ZNF608: variants seen among roughly 807,000 people sequenced by gnomAD.
The protein encoded by ZNF608 is renal carcinoma antigen NY-REN-36.
ZNF608 carries 12 observed loss-of-function variants against 109.0 expected under a neutral mutation model. That is an observed-to-expected ratio of 0.11 (90% confidence interval 0.07 to 0.18). The LOEUF (loss-of-function observed/expected upper bound fraction) is 0.18, where lower values mean the gene tolerates loss of function less well. ZNF608 is among the 10% of genes least tolerant of loss of function. The probability of loss-of-function intolerance (pLI) is 1.00; values close to 1 mark genes in which losing one functional copy is unlikely to be tolerated. For synonymous variants in ZNF608, 732 were observed against 717.4 expected (o/e 1.02, Z -0.33); for missense variants, 1,707 against 1,879.3 (o/e 0.91, Z 1.70).
At chr5:124,663,200 T>A (rs1197139697) in intron 3 of ZNF608, among the ~76,000 whole-genome samples, 1 of 152,182 alleles carries the variant, frequency 6.6e-6, no homozygotes, top group Non-Finnish European at 1.5e-5. Context: ...AATTCAGCAC[T>A]CTAAAGGGGT....
In ZNF608 at chr5:124,729,344, G is replaced by A. The variant is rs148975946; in HGVS notation, c.906+14740C>T. On this transcript the variant is annotated intron_variant, in intron 2 of 9. Coordinates refer to ENST00000513986, the MANE Select transcript of ZNF608 (RefSeq NM_020747.3). ...CCAGAGAGGAAGACCAGCCAATGGA[G>A]GTCCTGAGTGAGAGGGACATTTGCC... Among the ~76,000 whole-genome samples the A allele has an allele frequency of 4.1e-4, 62 of 152,294 alleles. 1 individual carries two copies. The East Asian group carries it at 6.8e-3, about 17-fold the overall frequency.
At chr5:124,685,441 G>A (rs921625284) in intron 3 of ZNF608, among the ~76,000 whole-genome samples, 2 of 152,164 alleles carry the variant, frequency 1.3e-5, no homozygotes, top group Admixed American at 6.5e-5. Context: ...ATATTCTTCT[G>A]TAAACACCAG....
At chr5:124,706,987 T>TGTA (rs1753288098) in intron 2 of ZNF608, among the ~76,000 whole-genome samples, 1 of 152,026 alleles carries the variant, frequency 6.6e-6, no homozygotes, top group South Asian at 2.1e-4. Flanking sequence ...ACTTAGTGTG[T>TGTA]GTAATCAGAG....
chr5:124,746,621 A>G lies in ZNF608; in HGVS notation c.-610T>C, dbSNP rs2149912070. ...AGTAATGATCCCATGTAGCAAACCT[A>G]CAGGCGTCCGCTAGTAACGAGACAG... On this transcript the variant is annotated 5_prime_UTR_variant, in exon 1 of 10. Transcript: ENST00000513986. 40 of 985,362 alleles carry G rather than the reference A, an allele frequency of 4.1e-5. No individual in the cohort carries two copies. The highest frequency in any genetic ancestry group is 1.1e-4 in the East Asian group (1 of 8,810). The allele number at this position is 985,362 out of a possible 1,614,324, so 61.0% of individuals were successfully genotyped here.
At chr5:124,651,121 T>C (rs1750753570) in intron 3 of ZNF608, among the ~76,000 whole-genome samples, 1 of 152,252 alleles carries the variant, frequency 6.6e-6, no homozygotes, top group Admixed American at 6.5e-5. Flanking sequence ...GGGGAAAGGC[T>C]AGGATGGAGC....
chr5:124,642,512 C>T (rs773223303), intron 7 of ZNF608, among the ~76,000 whole-genome samples: 1 of 152,100 alleles, frequency 6.6e-6, no homozygotes, highest in Non-Finnish European at 1.5e-5. Flanking sequence ...AGGGTCAATA[C>T]AAGTAGCAGA....
intron 3 of ZNF608, among the ~76,000 whole-genome samples, chr5:124,660,180 G>T: frequency 6.8e-6 from 1 of 146,388 alleles, no homozygotes; most frequent in East Asian, 2.1e-4. Context: ...CTCTGTGTGT[G>T]TGTGTGTGTG....
At chr5:124,743,031 T>C (rs1195635924) in intron 2 of ZNF608, among the ~76,000 whole-genome samples, 2 of 152,208 alleles carry the variant, frequency 1.3e-5, no homozygotes, top group Non-Finnish European at 2.9e-5. Flanking sequence ...CTTCCCAACC[T>C]GCCTAGTGGA....
intron 3 of ZNF608, among the ~76,000 whole-genome samples, chr5:124,684,901 C>T (rs1752340717): frequency 6.6e-6 from 1 of 152,114 alleles, no homozygotes; most frequent in Non-Finnish European, 1.5e-5. Flanking sequence ...GAGGATTCTG[C>T]AACAATACAT....
At chr5:124,675,678 C>T (rs902202885) in intron 3 of ZNF608, among the ~76,000 whole-genome samples, 1 of 152,190 alleles carries the variant, frequency 6.6e-6, no homozygotes, top group Non-Finnish European at 1.5e-5. Context: ...CTACGGCCAT[C>T]ATTTTTTTAG....
rs758670605 is a variant in ZNF608, at chr5:124,647,641, G to T, written c.2743C>A (p.Pro915Thr). Residue 915 changes from proline (P) to threonine (T), a missense_variant, in exon 5 of 10, where the codon CCA becomes ACA. Physicochemically the swap from Pro to Thr is conservative, Grantham distance 38. Coordinates refer to ENST00000513986, the MANE Select transcript of ZNF608 (RefSeq NM_020747.3). The stretch of plus-strand genomic sequence containing the variant: ...GTCAACACATGCAGAGGTGCCATTG[G>T]TGCCTGCCCGTTCACCAAAGTGCTG... Reference protein sequence around the residue: ...ECSTLVNGQAPMAPLHVLTQN... With the variant: ...ECSTLVNGQATMAPLHVLTQN... 2 of 1,614,204 alleles carry T rather than the reference G, an allele frequency of 1.2e-6. 1 individual carries two copies. The highest frequency in any genetic ancestry group is 2.2e-5 in the South Asian group (2 of 91,090).
intron 3 of ZNF608, among the ~76,000 whole-genome samples, chr5:124,694,769 G>A (rs1165125744): frequency 6.9e-6 from 1 of 144,192 alleles, no homozygotes; most frequent in African/African-American, 2.6e-5. Flanking sequence ...CCCATCCTGT[G>A]TCCAAGTGTC....
intron 2 of ZNF608, among the ~76,000 whole-genome samples, chr5:124,726,310 AC>A (rs1319440559): frequency 6.6e-6 from 1 of 151,978 alleles, no homozygotes; most frequent in African/African-American, 2.4e-5. Flanking sequence ...TTTAAAGCCC[AC>A]CTATTTGCCC....
chr5:124,715,843 G>A (rs77301686), intron 2 of ZNF608, among the ~76,000 whole-genome samples: 4,489 of 151,914 alleles, frequency 0.03, 192 homozygotes, highest in East Asian at 0.17. Context: ...ATATTTTATA[G>A]CTGCATTACT....
At chr5:124,738,959 G>A (rs976261907) in intron 2 of ZNF608, among the ~76,000 whole-genome samples, 18 of 152,224 alleles carry the variant, frequency 1.2e-4, no homozygotes, top group Admixed American at 1.1e-3. Context: ...AGAATGCAAA[G>A]AACTAGGAGT....
intron 9 of ZNF608, among the ~76,000 whole-genome samples, 185 bp from the exon 10 acceptor site, chr5:124,638,091 T>C (rs1468235714): frequency 1.3e-5 from 2 of 151,130 alleles, no homozygotes; most frequent in Non-Finnish European, 3.0e-5. Flanking sequence ...GCTGGGATTA[T>C]AGGCATGTGC....
intron 3 of ZNF608, among the ~76,000 whole-genome samples, chr5:124,682,967 C>A (rs139385205): frequency 6.6e-6 from 1 of 152,202 alleles, no homozygotes; most frequent in African/African-American, 2.4e-5. Context: ...GCTATCATTT[C>A]TAACATTAAG....
chr5:124,667,702 T>C (rs1218291274), intron 3 of ZNF608, among the ~76,000 whole-genome samples: 1 of 152,190 alleles, frequency 6.6e-6, no homozygotes, highest in Non-Finnish European at 1.5e-5. Context: ...ATTCAAAATG[T>C]CTTCCAAATA....
At chr5:124,688,458 C>T (rs1282128402) in intron 3 of ZNF608, among the ~76,000 whole-genome samples, 2 of 152,190 alleles carry the variant, frequency 1.3e-5, no homozygotes, top group Non-Finnish European at 2.9e-5. Context: ...ACAACTTCAT[C>T]CCTTTGTCAT....
Sources: allele counts gnomAD v4.1 joint callset (sites outside exome capture counted in the v4.1 genomes callset), GRCh38; gene constraint gnomAD v4.1.1; transcripts MANE v1.5; gene names NCBI Gene and HGNC (gene_info 2026-07-23, HGNC 2026-07-21).